The following TNKS2 variants were observed in gnomAD, a reference collection of about 807,000 sequenced individuals.
TNKS2 encodes poly [ADP-ribose] polymerase tankyrase-2.
Under a neutral mutation model 137.6 loss-of-function variants are expected in TNKS2, and 72 were observed. That is an observed-to-expected ratio of 0.52 (90% CI 0.43 to 0.64). TNKS2 has a LOEUF of 0.64. Ranked by LOEUF, TNKS2 falls within the 30% of genes least tolerant of loss-of-function variation. The pLI is 0.00. For synonymous variants in TNKS2, 516 were observed against 512.1 expected, an observed-to-expected ratio of 1.01 and a Z score of -0.10; for missense variants, 1,049 against 1,410.2, an observed-to-expected ratio of 0.74 and a Z score of 4.10.
At chr10:91,859,413 A>T (rs1321816123) in intron 24 of TNKS2, 49 bp from the exon 25 acceptor site, 1 of 1,370,926 alleles carries the variant, frequency 7.3e-7, no homozygotes, top group Non-Finnish European at 9.6e-7. Context: ...TTTACTTTTT[A>T]TTCTAAGATA....
chr10:91,859,506 A>C lies in TNKS2; in HGVS notation c.3139A>C (p.Arg1047=), dbSNP rs1285726179. The change falls in exon 25 of 27, where the codon AGG becomes CGG. Residue 1047 remains arginine (R), a synonymous_variant. Coordinates refer to ENST00000371627, the MANE Select transcript of TNKS2 (RefSeq NM_025235.4). ...AATTATCCACAAAGGCTTTGATGAA[A>C]GGCATGCGTACATAGGTGGTATGTT... ...NAIIHKGFDE[R]HAYIGGMFGA... is the part of the protein sequence containing the mutation. 6 of 1,612,214 alleles carry C rather than the reference A, an allele frequency of 3.7e-6. No homozygotes were observed. The highest frequency in any genetic ancestry group is 5.1e-6 in the Non-Finnish European group (6 of 1,179,208).
intron 7 of TNKS2, 104 bp from the exon 8 acceptor site, chr10:91,826,913 G>T: frequency 8.9e-7 from 1 of 1,121,266 alleles, no homozygotes; most frequent in East Asian, 3.0e-5. Flanking sequence ...GTGAACTTTG[G>T]GAACATAACC....
intron 1 of TNKS2, chr10:91,812,623 T>C (rs1266119387): frequency 3.8e-6 from 1 of 266,232 alleles, no homozygotes; most frequent in African/African-American, 2.3e-5. Context: ...ATTTAAGTTT[T>C]ATACTTTGAA....
chr10:91,799,708 A>G (rs896906362), intron 1 of TNKS2, among the ~76,000 whole-genome samples: 4 of 152,236 alleles, frequency 2.6e-5, no homozygotes, highest in Admixed American at 6.5e-5. Flanking sequence ...AGAGCCATAG[A>G]TGGGATATTC....
chr10:91,859,050 G>C (rs1842785733), intron 24 of TNKS2, among the ~76,000 whole-genome samples: 1 of 152,024 alleles, frequency 6.6e-6, no homozygotes, highest in Non-Finnish European at 1.5e-5. Flanking sequence ...GTCTACTTGG[G>C]CCACTTGGTA....
intron 17 of TNKS2, among the ~76,000 whole-genome samples, chr10:91,845,545 T>C (rs1842344124): frequency 6.6e-6 from 1 of 152,232 alleles, no homozygotes; most frequent in African/African-American, 2.4e-5. Context: ...TTAACTCTTT[T>C]CTAGATAGTT....
At chr10:91,845,143 G>A (rs1352893449) in intron 17 of TNKS2, 115 bp downstream of exon 17, 2 of 729,910 alleles carry the variant, frequency 2.7e-6, no homozygotes, top group Non-Finnish European at 4.6e-6. Context: ...GTAAGTGGCA[G>A]AGCTAAAGAA....
At position 91,798,920 on chromosome 10, in the gene TNKS2, T is replaced by C. The variant is rs771328800; in HGVS notation, c.199+31T>C. 27 of 1,343,980 alleles carry C rather than the reference T, an allele frequency of 2.0e-5. 1 individual carries two copies. The highest frequency in any genetic ancestry group is 3.5e-5 in the Admixed American group (1 of 28,360). 83.3% of individuals were successfully genotyped at this position (1,343,980 alleles called of 1,614,324 possible). A position where few individuals can be genotyped will look rare whatever the true frequency, so the allele number is the denominator to read the frequency against. On this transcript the variant is annotated intron_variant, in intron 1 of 26. Coordinates refer to ENST00000371627, the MANE Select transcript of TNKS2 (RefSeq NM_025235.4). ...CGGGGCCAGCGTCCCCTCGCCTCGC[T>C]CCAGACCCCACCTGCGCAGCCGGGG... is the stretch of plus-strand genomic sequence containing the variant.
chr10:91,826,954 A>G, intron 7 of TNKS2, 63 bp from the exon 8 acceptor site: 2 of 1,365,624 alleles, frequency 1.5e-6, no homozygotes, highest in Non-Finnish European at 1.9e-6. Context: ...TAAATTACAC[A>G]GTACGAATAA....
chr10:91,829,965 A>C lies in TNKS2; in HGVS notation c.1105-958A>C, dbSNP rs1483343574. On this transcript the variant is annotated intron_variant, in intron 9 of 26. Coordinates refer to ENST00000371627, the MANE Select transcript of TNKS2 (RefSeq NM_025235.4). ...ACATTATTGAACACCTATTGTGCAGATATTAGGCTTAGGCTTATAACTGGC... is the reference window on the plus strand; with the variant it reads ...ACATTATTGAACACCTATTGTGCAGCTATTAGGCTTAGGCTTATAACTGGC... Among the ~76,000 whole-genome samples the C allele has an allele frequency of 2.0e-5, 3 of 152,170 alleles. No individual in the cohort carries two copies. The East Asian group carries it at 5.8e-4, about 29-fold the overall frequency.
chr10:91,856,978 G>A (rs1842724525), intron 23 of TNKS2, among the ~76,000 whole-genome samples: 1 of 151,934 alleles, frequency 6.6e-6, no homozygotes, highest in Admixed American at 6.6e-5. Flanking sequence ...GAGTAATTGT[G>A]TATGTGTTGA....
intron 12 of TNKS2, chr10:91,836,471 CT>C (rs777196086): frequency 1.0e-3 from 196 of 189,810 alleles, no homozygotes; most frequent in Non-Finnish European, 1.7e-3. Flanking sequence ...TTCTACTAGT[CT>C]ACCTTATGTC....
intron 1 of TNKS2, among the ~76,000 whole-genome samples, chr10:91,810,253 C>G (rs1233084127): frequency 6.6e-6 from 1 of 151,892 alleles, no homozygotes; most frequent in Non-Finnish European, 1.5e-5. Context: ...TGGTGCACAC[C>G]TGTAGTCCCA....
intron 1 of TNKS2, among the ~76,000 whole-genome samples, chr10:91,803,629 G>A (rs932789705): frequency 5.3e-5 from 8 of 152,184 alleles, no homozygotes; most frequent in African/African-American, 1.7e-4. Flanking sequence ...GGGAAACCTT[G>A]TAACACAAAA....
At chr10:91,839,100 C>T (rs1211615313) in intron 13 of TNKS2, among the ~76,000 whole-genome samples, 1 of 152,182 alleles carries the variant, frequency 6.6e-6, no homozygotes, top group Non-Finnish European at 1.5e-5. Flanking sequence ...CTCCTGACCT[C>T]AGGTGATCCA....
intron 25 of TNKS2, 81 bp downstream of exon 25, chr10:91,859,729 T>TG: frequency 1.6e-6 from 2 of 1,222,798 alleles, no homozygotes; most frequent in Non-Finnish European, 2.3e-6. Context: ...AGCATTATGT[T>TG]GGACAGTCTT....
chr10:91,832,293 T>C (rs1589670010), intron 11 of TNKS2, among the ~76,000 whole-genome samples: 1 of 152,138 alleles, frequency 6.6e-6, no homozygotes, highest in South Asian at 2.1e-4. Context: ...TGGATACATA[T>C]TGAATTAGAG....
rs758090968 is a variant in TNKS2, at chr10:91,827,218, A to G, written c.982+15A>G. 2.7e-6 allele frequency: 4 copies of G among 1,498,096 alleles called. No individual in the cohort carries two copies. Among genetic ancestry groups the G allele is most frequent in the African/African-American group, 1.4e-5 (1 of 71,706 alleles). The allele number at this position is 1,498,096 out of a possible 1,614,324, so 92.8% of individuals were successfully genotyped here. The stretch of plus-strand genomic sequence containing the variant: ...AAGATTAGCATGTGAGTATAAAATT[A>G]TGAATGTTCAGGTAGGATATTATAT... On this transcript the variant is annotated intron_variant, in intron 8 of 26. Coordinates refer to ENST00000371627, the MANE Select transcript of TNKS2 (RefSeq NM_025235.4).
chr10:91,847,659 C>T, intron 18 of TNKS2, among the ~76,000 whole-genome samples: 1 of 152,184 alleles, frequency 6.6e-6, no homozygotes, highest in East Asian at 1.9e-4. Context: ...TGGCCCCATT[C>T]TAGCAGATTT....
Sources: gnomAD v4.1 joint callset for allele counts (sites outside exome capture counted in the v4.1 genomes callset) on GRCh38, gnomAD v4.1.1 for gene constraint, MANE v1.5 for transcripts, NCBI Gene and HGNC (gene_info 2026-07-23, HGNC 2026-07-21) for gene names.